THSD7A: variants seen among roughly 807,000 people sequenced by gnomAD.
The protein encoded by THSD7A is thrombospondin type 1 domain containing 7A, also known as thrombospondin type-1 domain-containing protein 7A.
A neutral mutation model predicts 231.3 loss-of-function variants in THSD7A; 96 were observed. That is an observed-to-expected ratio of 0.41 (90% CI 0.35 to 0.49). The LOEUF is 0.49. Among genes scored for constraint, THSD7A ranks in the 20% least tolerant of loss-of-function variants. The probability of loss-of-function intolerance (pLI) is 0.05; values close to 1 mark genes in which losing one functional copy is unlikely to be tolerated. For synonymous variants in THSD7A, 940 were observed against 743.3 expected, an observed-to-expected ratio of 1.26 and a Z score of -4.30; for missense variants, 2,290 against 2,070.2, an observed-to-expected ratio of 1.11 and a Z score of -2.06.
At chr7:11,485,160 A>T (rs982978769) in intron 6 of THSD7A, among the ~76,000 whole-genome samples, 3 of 152,094 alleles carry the variant, frequency 2.0e-5, no homozygotes, top group Middle Eastern at 3.4e-3. Flanking sequence ...AAGTGCTGGG[A>T]TTACAGGCAT....
intron 1 of THSD7A, among the ~76,000 whole-genome samples, chr7:11,700,476 A>G (rs376952688): frequency 1.3e-5 from 2 of 151,292 alleles, no homozygotes; most frequent in African/African-American, 4.8e-5. Flanking sequence ...ATTAACTCAT[A>G]TGAACAATTA....
chr7:11,728,043 A>G (rs1781605782), intron 1 of THSD7A, among the ~76,000 whole-genome samples: 1 of 152,008 alleles, frequency 6.6e-6, no homozygotes, highest in South Asian at 2.1e-4. Context: ...AGTATGGTCA[A>G]GGGACCAGCA....
chr7:11,771,048 T>G, intron 1 of THSD7A, among the ~76,000 whole-genome samples: 1 of 151,174 alleles, frequency 6.6e-6, no homozygotes, highest in Non-Finnish European at 1.5e-5. Context: ...ATTCTTTCTT[T>G]AAAAATTTTT....
intron 11 of THSD7A, among the ~76,000 whole-genome samples, chr7:11,451,293 T>C (rs1352128868): frequency 2.0e-5 from 3 of 151,982 alleles, no homozygotes; most frequent in Non-Finnish European, 4.4e-5. Context: ...TTTGAGACAA[T>C]GGAGAAAAAT....
intron 1 of THSD7A, among the ~76,000 whole-genome samples, chr7:11,646,757 TA>T (rs2128366348): frequency 6.6e-6 from 1 of 152,130 alleles, no homozygotes; most frequent in African/African-American, 2.4e-5. Flanking sequence ...TGATAAAAAA[TA>T]GTAAGTGACA....
At chr7:11,496,225 A>G (rs1787092960) in intron 6 of THSD7A, among the ~76,000 whole-genome samples, 1 of 152,188 alleles carries the variant, frequency 6.6e-6, no homozygotes, top group Non-Finnish European at 1.5e-5. Context: ...TGAAGTAGAC[A>G]TGATTATTAT....
intron 4 of THSD7A, among the ~76,000 whole-genome samples, chr7:11,581,902 C>A (rs1045289665): frequency 2.6e-5 from 4 of 152,014 alleles, no homozygotes; most frequent in African/African-American, 7.2e-5. Flanking sequence ...ACAGTGTGAT[C>A]TGTTAGTCTG....
chr7:11,574,530 G>A (rs1415799855), intron 4 of THSD7A, among the ~76,000 whole-genome samples: 5 of 151,488 alleles, frequency 3.3e-5, no homozygotes, highest in Non-Finnish European at 1.5e-5. Flanking sequence ...CACCTCCCGG[G>A]TTCACGCCAT....
At chr7:11,675,189 A>G (rs562821816) in intron 1 of THSD7A, among the ~76,000 whole-genome samples, 2 of 152,166 alleles carry the variant, frequency 1.3e-5, no homozygotes, top group South Asian at 4.1e-4. Flanking sequence ...CCCCTAGCCA[A>G]GGGAAGCCAT....
chr7:11,480,503 G>A (rs1786378821), intron 7 of THSD7A, among the ~76,000 whole-genome samples: 1 of 152,130 alleles, frequency 6.6e-6, no homozygotes, highest in African/African-American at 2.4e-5. Flanking sequence ...CGAGGTTAGA[G>A]TCATTGTTTG....
At chr7:11,653,454 G>A (rs1156962133) in intron 1 of THSD7A, among the ~76,000 whole-genome samples, 25 of 100,100 alleles carry the variant, frequency 2.5e-4, no homozygotes, top group African/African-American at 1.1e-3. Flanking sequence ...AGATATGTGT[G>A]TGTGTGTGTG....
At position 11,454,039 on chromosome 7, in the gene THSD7A, C is replaced by T. The variant is rs115860034; in HGVS notation, c.2606-6615G>A. Among the ~76,000 whole-genome samples the T allele has an allele frequency of 8.8e-3, 1,341 of 152,024 alleles. 24 individuals are homozygous for T. The highest frequency in any genetic ancestry group is 0.031 in the African/African-American group (1,284 of 41,518). On this transcript the variant is annotated intron_variant, in intron 11 of 27. Coordinates refer to ENST00000423059, the MANE Select transcript of THSD7A (RefSeq NM_015204.3). ...AGACAGTGGAGGTTACAGTTCTATT[C>T]AAAGTTTATACACTAGTGACTTGAA...
At chr7:11,532,963 C>T (rs575719350) in intron 6 of THSD7A, among the ~76,000 whole-genome samples, 18 of 152,204 alleles carry the variant, frequency 1.2e-4, no homozygotes, top group African/African-American at 4.1e-4. Context: ...GAAAGACTTA[C>T]GTGATTCACA....
intron 10 of THSD7A, 60 bp downstream of exon 10, chr7:11,461,951 G>C (rs1785520077): frequency 6.4e-7 from 1 of 1,572,884 alleles, no homozygotes; most frequent in African/African-American, 1.3e-5. Flanking sequence ...TCCTAGGAAA[G>C]GATGTGGAGT....
At chr7:11,431,377 T>C (rs1784473221) in intron 13 of THSD7A, among the ~76,000 whole-genome samples, 1 of 152,186 alleles carries the variant, frequency 6.6e-6, no homozygotes, top group African/African-American at 2.4e-5. Context: ...TTTTTGTTTA[T>C]GATAAAAGGT....
In THSD7A at chr7:11,633,760, T is replaced by A. The variant is rs1474720537; in HGVS notation, c.1022+2370A>T. On this transcript the variant is annotated intron_variant, in intron 2 of 27. Coordinates refer to ENST00000423059, the MANE Select transcript of THSD7A (RefSeq NM_015204.3). ...AGTGGAAAGCAGGGCAGATCCATCA[T>A]TGTTAACTTAAACATTTGAGCAGTA... Among the ~76,000 whole-genome samples the A allele has an allele frequency of 1.3e-5, 2 of 152,354 alleles. 1 individual carries two copies. Among genetic ancestry groups the A allele is most frequent in the South Asian group, 4.1e-4 (2 of 4,828 alleles).
At chr7:11,706,897 C>A (rs983755057) in intron 1 of THSD7A, among the ~76,000 whole-genome samples, 5 of 150,478 alleles carry the variant, frequency 3.3e-5, no homozygotes, top group African/African-American at 1.2e-4. Context: ...ACCAAACAAT[C>A]CACTCAGCTC....
chr7:11,631,040 G>C (rs1239282184), intron 2 of THSD7A, among the ~76,000 whole-genome samples: 1 of 152,164 alleles, frequency 6.6e-6, no homozygotes, highest in Non-Finnish European at 1.5e-5. Flanking sequence ...TTCCCCAACA[G>C]CTACACTTCT....
At chr7:11,716,280 T>G (rs1781134356) in intron 1 of THSD7A, among the ~76,000 whole-genome samples, 1 of 151,688 alleles carries the variant, frequency 6.6e-6, no homozygotes, top group South Asian at 2.1e-4. Context: ...CCCCTGTGAC[T>G]GTTCTAGTCC....
Sources: gnomAD v4.1 joint callset for allele counts (sites outside exome capture counted in the v4.1 genomes callset) on GRCh38, gnomAD v4.1.1 for gene constraint, MANE v1.5 for transcripts, NCBI Gene and HGNC (gene_info 2026-07-23, HGNC 2026-07-21) for gene names.